RBFOX1: variants seen among roughly 807,000 people sequenced by gnomAD.
RBFOX1 encodes the protein RNA binding protein fox-1 homolog 1.
A neutral mutation model predicts 57.7 loss-of-function variants in RBFOX1; 8 were observed. The observed-to-expected ratio is 0.14, with a 90% CI of 0.08 to 0.25. RBFOX1 has a LOEUF of 0.25. Among genes scored for constraint, RBFOX1 ranks in the 10% least tolerant of loss-of-function variants. RBFOX1 has a pLI of 1.00. For synonymous variants in RBFOX1, 326 were observed against 222.4 expected (o/e 1.47, Z -4.15); for missense variants, 611 against 548.5 (o/e 1.11, Z -1.14).
At chr16:6,332,460 G>T (rs1322776187) in intron 2 of RBFOX1, among the ~76,000 whole-genome samples, 1 of 152,170 alleles carries the variant, frequency 6.6e-6, no homozygotes, top group East Asian at 1.9e-4. Flanking sequence ...ACATTAATAG[G>T]CAAAACTATT....
chr16:7,191,346 A>G (rs1226075590), intron 4 of RBFOX1, among the ~76,000 whole-genome samples: 1 of 152,090 alleles, frequency 6.6e-6, no homozygotes, highest in Admixed American at 6.6e-5. Flanking sequence ...AAAGAAAAAA[A>G]AAAAAACAGC....
chr16:5,602,063 C>G (rs1033126359), downstream of RBFOX1, among the ~76,000 whole-genome samples: 1 of 152,152 alleles, frequency 6.6e-6, no homozygotes, highest in Non-Finnish European at 1.5e-5. Context: ...CCTGCTCCTC[C>G]ATCTCCACCC....
At position 6,935,700 on chromosome 16, in the gene RBFOX1, G is replaced by C. The variant is rs146719048; in HGVS notation, c.-15-116357G>C. ...TATTCAAAGGGTGATTAGGAGGTTT[G>C]AGAATCAGTGTGGCAGCTAAGCGAG... On this transcript the variant is annotated intron_variant, in intron 3 of 15. Transcript: ENST00000550418. Among the ~76,000 whole-genome samples the C allele has an allele frequency of 2.0e-3, 309 of 152,322 alleles. 1 individual carries two copies. The highest frequency in any genetic ancestry group is 6.7e-3 in the African/African-American group (279 of 41,570).
chr16:7,435,881 T>A (rs2098717661), intron 4 of RBFOX1, among the ~76,000 whole-genome samples: 1 of 152,184 alleles, frequency 6.6e-6, no homozygotes, highest in African/African-American at 2.4e-5. Context: ...GGGGTATGTG[T>A]GTGTGTGTTT....
At chr16:6,743,095 T>C (rs931466880) in intron 3 of RBFOX1, among the ~76,000 whole-genome samples, 2 of 152,194 alleles carry the variant, frequency 1.3e-5, no homozygotes, top group Admixed American at 6.5e-5. Context: ...TGTCTGTGTA[T>C]TTGTAATATT....
At chr16:7,505,455 G>A (rs1458637614) in intron 4 of RBFOX1, among the ~76,000 whole-genome samples, 1 of 152,188 alleles carries the variant, frequency 6.6e-6, no homozygotes, top group Non-Finnish European at 1.5e-5. Context: ...TGTTCTGGAT[G>A]TCGCTCATTT....
At position 5,711,096 on chromosome 16, in the gene RBFOX1, A is replaced by G. The variant is rs537498382; in HGVS notation, c.318+112135A>G. 2.6e-5 allele frequency among the ~76,000 whole-genome samples: 4 copies of G among 152,330 alleles called. No individual in the cohort carries two copies. In the South Asian group the frequency reaches 8.3e-4, roughly 32 times the overall value. ...AGTGAATAATCAAATTATTGTAGTA[A>G]TGATTGCATAATTGCAGACAAGAGA... On this transcript the variant is annotated intron_variant, in intron 3 of 19. Coordinates refer to the RBFOX1 transcript ENST00000641259.
At chr16:6,735,978 C>G (rs77431008) in intron 3 of RBFOX1, among the ~76,000 whole-genome samples, 151,541 of 151,676 alleles carry the variant, frequency 1, 75,703 homozygotes, top group Middle Eastern at 1. Context: ...TGCTTCCCTA[C>G]TGGGCCTGCT....
intron 3 of RBFOX1, among the ~76,000 whole-genome samples, chr16:6,702,109 A>C (rs751195240): frequency 2.0e-5 from 3 of 152,174 alleles, no homozygotes; most frequent in Non-Finnish European, 4.4e-5. Flanking sequence ...AAGTTTAAAA[A>C]ATTAGACCTC....
At chr16:7,335,248 A>C (rs1246968006) in intron 4 of RBFOX1, among the ~76,000 whole-genome samples, 1 of 152,106 alleles carries the variant, frequency 6.6e-6, no homozygotes, top group Admixed American at 6.6e-5. Flanking sequence ...TAGTTTCTTG[A>C]CCTTATGGGT....
chr16:6,388,797 G>T (rs1349504833), intron 2 of RBFOX1, among the ~76,000 whole-genome samples: 1 of 152,170 alleles, frequency 6.6e-6, no homozygotes, highest in African/African-American at 2.4e-5. Flanking sequence ...GGAAGAACCT[G>T]GAGGACATTC....
intron 10 of RBFOX1, among the ~76,000 whole-genome samples, chr16:7,610,529 C>T (rs1224908490): frequency 6.6e-6 from 1 of 152,154 alleles, no homozygotes; most frequent in Non-Finnish European, 1.5e-5. Context: ...CCACCATATT[C>T]ACAAGTGTTA....
chr16:7,358,853 G>T (rs1354445770), intron 4 of RBFOX1, among the ~76,000 whole-genome samples: 1 of 152,182 alleles, frequency 6.6e-6, no homozygotes, highest in Non-Finnish European at 1.5e-5. Flanking sequence ...TACATAATAC[G>T]AGAGAAGTAA....
chr16:5,394,535 G>C (rs1349867308), intron 1 of RBFOX1, among the ~76,000 whole-genome samples: 1 of 147,116 alleles, frequency 6.8e-6, no homozygotes, highest in Non-Finnish European at 1.5e-5. Context: ...CTCTTGTCTT[G>C]TCTTCTCTTC....
intron 2 of RBFOX1, among the ~76,000 whole-genome samples, chr16:6,322,618 T>C (rs1185006875): frequency 6.6e-6 from 1 of 152,162 alleles, no homozygotes; most frequent in African/African-American, 2.4e-5. Flanking sequence ...TTTTAGAACC[T>C]GGGTTTCAGT....
chr16:7,343,635 G>C (rs1408628725), intron 4 of RBFOX1, among the ~76,000 whole-genome samples: 1 of 152,186 alleles, frequency 6.6e-6, no homozygotes, highest in Non-Finnish European at 1.5e-5. Context: ...GGCTGTGTGT[G>C]AGGGGTTTCA....
intron 4 of RBFOX1, among the ~76,000 whole-genome samples, chr16:7,122,876 G>A (rs982977760): frequency 2.0e-5 from 3 of 152,166 alleles, no homozygotes; most frequent in African/African-American, 2.4e-5. Context: ...ATAAAAAGGA[G>A]CAACTATTGA....
intron 3 of RBFOX1, among the ~76,000 whole-genome samples, chr16:6,925,287 C>G (rs1330510015): frequency 6.6e-6 from 1 of 150,774 alleles, no homozygotes; most frequent in Non-Finnish European, 1.5e-5. Flanking sequence ...GTGCAAATCA[C>G]CATGCCCATT....
intron 4 of RBFOX1, among the ~76,000 whole-genome samples, chr16:7,270,234 G>C (rs1006645156): frequency 6.6e-6 from 1 of 152,234 alleles, no homozygotes; most frequent in Admixed American, 6.5e-5. Context: ...GACCTTCTCA[G>C]TTAGGTGTGA....
Sources: allele counts gnomAD v4.1 joint callset (sites outside exome capture counted in the v4.1 genomes callset), GRCh38; gene constraint gnomAD v4.1.1; transcripts MANE v1.5; gene names NCBI Gene and HGNC (gene_info 2026-07-23, HGNC 2026-07-21).